The following SEMA3D variants were observed in gnomAD, a reference collection of about 807,000 sequenced individuals.
SEMA3D encodes the protein semaphorin-3D.
A neutral mutation model predicts 100.1 loss-of-function variants in SEMA3D; 84 were observed. That is an observed-to-expected ratio of 0.84 (90% confidence interval 0.70 to 1.01). The LOEUF is 1.01. Among genes scored for constraint, SEMA3D ranks in the 50% least tolerant of loss-of-function variants. SEMA3D has a pLI of 0.00. For missense variants in SEMA3D, 875 were observed against 934.1 expected (o/e 0.94, Z 0.82); for synonymous variants, 312 against 320.7 (o/e 0.97, Z 0.29).
intron 4 of SEMA3D, among the ~76,000 whole-genome samples, chr7:85,092,780 T>C (rs747288213): frequency 2.6e-5 from 4 of 152,088 alleles, no homozygotes; most frequent in East Asian, 1.9e-4. Flanking sequence ...AGAAAACTTA[T>C]ATGTTTTCAA....
chr7:85,072,549 A>G (rs1221444056), intron 6 of SEMA3D, among the ~76,000 whole-genome samples: 2 of 152,248 alleles, frequency 1.3e-5, no homozygotes, highest in Non-Finnish European at 2.9e-5. Context: ...CATAGAAAAC[A>G]AACACTTTTA....
chr7:85,154,995 T>G (rs1020803433), intron 1 of SEMA3D, among the ~76,000 whole-genome samples: 3 of 152,138 alleles, frequency 2.0e-5, no homozygotes, highest in African/African-American at 7.2e-5. Context: ...ATCTCCACAG[T>G]TTTTCAAATT....
the SEMA3D span, among the ~76,000 whole-genome samples, chr7:85,221,604 G>C: frequency 1.3e-5 from 2 of 152,042 alleles, no homozygotes; most frequent in African/African-American, 4.8e-5. Flanking sequence ...AGATAGCTAA[G>C]TGTGTAATAG....
chr7:85,123,411 A>T (rs1789483379), intron 2 of SEMA3D, among the ~76,000 whole-genome samples: 1 of 152,154 alleles, frequency 6.6e-6, no homozygotes, highest in South Asian at 2.1e-4. Context: ...TTCAAAATAA[A>T]TATTTTATGC....
the SEMA3D span, among the ~76,000 whole-genome samples, chr7:85,212,539 A>G: frequency 6.6e-6 from 1 of 150,970 alleles, no homozygotes; most frequent in Admixed American, 6.6e-5. Flanking sequence ...ATATCGACTC[A>G]GATTAAAAAA....
chr7:85,015,328 GC>G, intron 15 of SEMA3D, 112 bp from the exon 16 acceptor site: 1 of 974,254 alleles, frequency 1.0e-6, no homozygotes, highest in Non-Finnish European at 1.6e-6. Context: ...TGGGTGTCCT[GC>G]CCATTGTAAA....
chr7:85,016,128 A>G (rs1003265703), intron 15 of SEMA3D, among the ~76,000 whole-genome samples: 3 of 151,586 alleles, frequency 2.0e-5, no homozygotes, highest in African/African-American at 7.3e-5. Context: ...ACTGTTTAGT[A>G]TTTGTTTTAC....
chr7:85,060,223 TTTAA>T (rs2116111038), intron 8 of SEMA3D, among the ~76,000 whole-genome samples: 1 of 152,308 alleles, frequency 6.6e-6, no homozygotes, highest in Admixed American at 6.5e-5. Flanking sequence ...TATAAAGAAA[TTTAA>T]TTATGAGAAA....
chr7:85,225,053 TA>T, the SEMA3D span, among the ~76,000 whole-genome samples: 8 of 1,730 alleles, frequency 4.6e-3, no homozygotes, highest in Non-Finnish European at 7.9e-3. Context: ...TTTTCTTTTA[TA>T]TATATATATA....
intron 5 of SEMA3D, among the ~76,000 whole-genome samples, chr7:85,080,907 A>G (rs1313896072): frequency 6.6e-6 from 1 of 152,218 alleles, no homozygotes; most frequent in Non-Finnish European, 1.5e-5. Flanking sequence ...TAAAAGTTTC[A>G]TTAGTACCCT....
the SEMA3D span, among the ~76,000 whole-genome samples, chr7:85,197,078 G>C: frequency 2.0e-5 from 3 of 151,604 alleles, no homozygotes. Flanking sequence ...AACATTACAA[G>C]ACAAGGAAAA....
chr7:85,065,368 T>C (rs1791586029), intron 8 of SEMA3D, 56 bp downstream of exon 8: 3 of 1,506,732 alleles, frequency 2.0e-6, no homozygotes, highest in South Asian at 1.2e-5. Context: ...ATACACTTCT[T>C]ATCTATCTTA....
chr7:85,191,013 A>AG (rs1282265429), upstream of SEMA3D, among the ~76,000 whole-genome samples: 1 of 152,110 alleles, frequency 6.6e-6, no homozygotes, highest in African/African-American at 2.4e-5. Context: ...AAAAAAGAAA[A>AG]GAAAAAAAAA....
chr7:85,226,781 C>T, the SEMA3D span, among the ~76,000 whole-genome samples: 24 of 152,096 alleles, frequency 1.6e-4, no homozygotes, highest in Middle Eastern at 3.4e-3. Context: ...GAGGGTTAAA[C>T]ACAGCCTGCT....
chr7:85,123,794 G>C (rs1429784032), intron 2 of SEMA3D, among the ~76,000 whole-genome samples: 2 of 151,850 alleles, frequency 1.3e-5, no homozygotes, highest in African/African-American at 4.8e-5. Context: ...TCTTTTAGAA[G>C]GTTACTACAT....
the SEMA3D span, among the ~76,000 whole-genome samples, chr7:85,200,888 G>A: frequency 2.0e-5 from 3 of 152,196 alleles, no homozygotes; most frequent in Admixed American, 6.5e-5. Flanking sequence ...GTGGCTGAAA[G>A]GGGCCACAGT....
rs759026992 is a variant in SEMA3D, at chr7:85,055,723, A to G, written c.855T>C (p.Val285=). The change falls in exon 9 of 19, where the codon GTT becomes GTC. Residue 285 remains valine (V), a synonymous_variant. Transcript: ENST00000284136. ...DKTILSRVGR[V]CKNDVGGQRS... is the part of the protein sequence containing the mutation. ...ATATATAAATATATCTTGCCTTACAAACTCTTCCAACTCGAGAAAGGATGG... is the reference window on the plus strand; with the variant it reads ...ATATATAAATATATCTTGCCTTACAGACTCTTCCAACTCGAGAAAGGATGG... 6 of 1,391,020 alleles carry G rather than the reference A, an allele frequency of 4.3e-6. No individual in the cohort carries two copies. The Admixed American group carries it at 6.1e-5, about 14-fold the overall frequency. 86.2% of individuals were successfully genotyped at this position (1,391,020 alleles called of 1,614,324 possible).
intron 5 of SEMA3D, among the ~76,000 whole-genome samples, chr7:85,079,711 T>C (rs928209638): frequency 6.6e-6 from 1 of 152,248 alleles, no homozygotes; most frequent in African/African-American, 2.4e-5. Flanking sequence ...ACCATTTTAC[T>C]GGAGTAAATT....
chr7:85,204,795 T>C, the SEMA3D span, among the ~76,000 whole-genome samples: 3 of 152,208 alleles, frequency 2.0e-5, no homozygotes, highest in South Asian at 6.2e-4. Context: ...TTTTTCCTAT[T>C]ATCACTCTGA....
Sources: allele counts gnomAD v4.1 joint callset (sites outside exome capture counted in the v4.1 genomes callset), GRCh38; gene constraint gnomAD v4.1.1; transcripts MANE v1.5; gene names NCBI Gene and HGNC (gene_info 2026-07-23, HGNC 2026-07-21).